Variants in PTPN14 observed in about 807,000 individuals in gnomAD.
The protein encoded by PTPN14 is tyrosine-protein phosphatase non-receptor type 14.
In PTPN14, 53 loss-of-function variants were observed where a neutral mutation model predicts 126.8. That is an observed-to-expected ratio of 0.42 (90% confidence interval 0.34 to 0.53). The LOEUF (loss-of-function observed/expected upper bound fraction) is 0.53, where lower values mean the gene tolerates loss of function less well. Among genes scored for constraint, PTPN14 ranks in the 20% least tolerant of loss-of-function variants. PTPN14 has a pLI of 0.08. For synonymous variants in PTPN14, 630 were observed against 599.3 expected (o/e 1.05, Z -0.75); for missense variants, 1,257 against 1,552.9 (o/e 0.81, Z 3.20).
At chr1:214,378,177 A>C in intron 13 of PTPN14, 75 bp from the exon 14 acceptor site, 7 of 1,470,844 alleles carry the variant, frequency 4.8e-6, no homozygotes, top group Non-Finnish European at 6.4e-6. Context: ...AATCTCCTCA[A>C]ATCTGTAACT....
At chr1:214,484,930 G>A (rs2102680087) in intron 1 of PTPN14, among the ~76,000 whole-genome samples, 2 of 152,334 alleles carry the variant, frequency 1.3e-5, no homozygotes, top group Middle Eastern at 6.8e-3. Context: ...GGAGGTGTGT[G>A]GGAAGACTTA....
chr1:214,465,165 G>A (rs1411508261), intron 1 of PTPN14, among the ~76,000 whole-genome samples: 3 of 152,106 alleles, frequency 2.0e-5, no homozygotes, highest in Non-Finnish European at 4.4e-5. Context: ...TACGATAAAA[G>A]CTACTTTACA....
intron 3 of PTPN14, among the ~76,000 whole-genome samples, chr1:214,424,028 T>A (rs1272518770): frequency 3.3e-5 from 5 of 151,320 alleles, no homozygotes; most frequent in African/African-American, 1.2e-4. Context: ...CCGGGCACGG[T>A]GGCTCATGCC....
chr1:214,358,290 AG>A (rs1025815999), intron 18 of PTPN14, among the ~76,000 whole-genome samples: 3 of 152,130 alleles, frequency 2.0e-5, no homozygotes, highest in Non-Finnish European at 4.4e-5. Flanking sequence ...ATTTTCTGAG[AG>A]GGTCTTGCTG....
chr1:214,386,892 C>T lies in PTPN14; in HGVS notation c.1018G>A (p.Val340Ile), dbSNP rs747090290. The T allele has an allele frequency of 3.5e-5, 56 of 1,608,888 alleles. 1 individual carries two copies. The highest frequency in any genetic ancestry group is 2.1e-4 in the South Asian group (19 of 90,760). The change falls in exon 12 of 19, where the codon GTT (valine) becomes ATT (isoleucine). Residue 340 changes from valine to isoleucine, a missense_variant. This residue lies in a region of PTPN14 where 1,021 missense variants were observed against 1,183.3 expected (regional missense o/e 0.86). Transcript: ENST00000366956. The part of the protein sequence containing the change: ...PRQQPYILPP[V>I]HVQCGEHYSE... ...TAGTGCTCACCACACTGGACGTGAA[C>T]GGGAGGCAGGATGTACGGCTGCTGC...
intron 11 of PTPN14, among the ~76,000 whole-genome samples, chr1:214,389,864 G>A (rs933932664): frequency 3.3e-5 from 5 of 152,136 alleles, no homozygotes; most frequent in African/African-American, 7.2e-5. Context: ...ATTGGTACTC[G>A]GGGGAAAGCC....
At chr1:214,545,995 A>G (rs903864557) in intron 1 of PTPN14, among the ~76,000 whole-genome samples, 2 of 152,166 alleles carry the variant, frequency 1.3e-5, no homozygotes, top group Non-Finnish European at 2.9e-5. Flanking sequence ...GAACCTGGCT[A>G]GGGATACGAG....
rs931245969 is a variant in PTPN14 at position 214,464,553 on chromosome 1, G to T, written c.174+77C>A. 49 of 1,534,180 alleles carry T rather than the reference G, an allele frequency of 3.2e-5. No homozygotes were observed. In the African/African-American group the frequency reaches 5.2e-4, roughly 16 times the overall value. On this transcript the variant is annotated intron_variant, in intron 2 of 18. Coordinates refer to ENST00000366956, the MANE Select transcript of PTPN14 (RefSeq NM_005401.5). ...ACAGATGCCAAAAAACAGATGGCTG[G>T]TCCCTTCGGTGAGTTCTCCTTCACA...
chr1:214,389,909 A>G (rs1324282900), intron 11 of PTPN14, among the ~76,000 whole-genome samples: 1 of 152,242 alleles, frequency 6.6e-6, no homozygotes, highest in East Asian at 1.9e-4. Flanking sequence ...GCCCAGGACC[A>G]CATGTGAGAT....
rs749603756 is a variant in PTPN14, at chr1:214,383,931, T to C, written c.1924A>G (p.Ser642Gly). The C allele has an allele frequency of 2.7e-5, 43 of 1,613,320 alleles. 1 individual carries two copies. Among genetic ancestry groups the C allele is most frequent in the Middle Eastern group, 1.6e-4 (1 of 6,062 alleles). ...ACCATGCTGTTCATCACCTCCAGGCTGTGGCGCTTGTTCACAGTGCCGTGG... is the reference window on the plus strand; with the variant it reads ...ACCATGCTGTTCATCACCTCCAGGCCGTGGCGCTTGTTCACAGTGCCGTGG... The part of the protein sequence containing the change: ...KHHGTVNKRH[S>G]LEVMNSMVRG... The change falls in exon 13 of 19, where the codon AGC (serine) becomes GGC (glycine). Residue 642 changes from serine to glycine, a missense_variant. Ser to Gly is a moderately conservative substitution (Grantham distance 56, BLOSUM62 0). Transcript: ENST00000366956. The surrounding 1 kb of genome is among the most constrained non-coding windows in gnomAD (Gnocchi z 4.4).
rs1249418155 is a variant in PTPN14 at position 214,349,520 on chromosome 1, A to C, written c.*8402T>G. 2 of 152,234 alleles carry C rather than the reference A, an allele frequency of 1.3e-5. No homozygotes were observed. Among genetic ancestry groups the C allele is most frequent in the Non-Finnish European group, 2.9e-5 (2 of 68,042 alleles). The allele number at this position is 152,234 out of a possible 1,614,324, so 9.4% of individuals were successfully genotyped here. Reference sequence around the variant, plus strand: ...GATCAAGGAAAGCATCAAAATACTGAAGTAGGGAGCACAAGCCTAGTCCAG... The same window carrying C: ...GATCAAGGAAAGCATCAAAATACTGCAGTAGGGAGCACAAGCCTAGTCCAG... On this transcript the variant is annotated 3_prime_UTR_variant, in exon 19 of 19. Coordinates refer to ENST00000366956, the MANE Select transcript of PTPN14 (RefSeq NM_005401.5).
chr1:214,441,849 A>G (rs1293416061), intron 3 of PTPN14, among the ~76,000 whole-genome samples: 1 of 152,226 alleles, frequency 6.6e-6, no homozygotes, highest in East Asian at 1.9e-4. Flanking sequence ...AGACTATTTT[A>G]ACATTTTGAC....
intron 18 of PTPN14, among the ~76,000 whole-genome samples, chr1:214,359,866 A>T (rs1657914071): frequency 6.6e-6 from 1 of 152,210 alleles, no homozygotes; most frequent in African/African-American, 2.4e-5. Context: ...GAGATTGCCT[A>T]TGTGTGAATT....
At chr1:214,393,831 A>G in intron 9 of PTPN14, 54 bp from the exon 10 acceptor site, 1 of 1,393,276 alleles carries the variant, frequency 7.2e-7, no homozygotes, top group Non-Finnish European at 1.0e-6. Flanking sequence ...TTAGTTATAC[A>G]TTTCATTAAG....
At chr1:214,516,053 C>T (rs17023144) in intron 1 of PTPN14, among the ~76,000 whole-genome samples, 4 of 152,052 alleles carry the variant, frequency 2.6e-5, no homozygotes, top group African/African-American at 4.8e-5. Context: ...ACTCCTCTTT[C>T]GATAACATAA....
At chr1:214,528,596 G>C (rs1655458893) in intron 1 of PTPN14, 1 of 152,154 alleles carries the variant, frequency 6.6e-6, no homozygotes, top group South Asian at 2.1e-4. Context: ...TACTTGAGTG[G>C]TAGGGTAATT....
chr1:214,439,899 CTATT>C (rs1249069439), intron 3 of PTPN14, among the ~76,000 whole-genome samples: 1 of 152,190 alleles, frequency 6.6e-6, no homozygotes, highest in East Asian at 1.9e-4. Flanking sequence ...ATAATGCTCG[CTATT>C]TAAAGGACTC....
intron 3 of PTPN14, among the ~76,000 whole-genome samples, chr1:214,435,757 G>A (rs1351838255): frequency 6.6e-6 from 1 of 152,172 alleles, no homozygotes; most frequent in Admixed American, 6.5e-5. Flanking sequence ...AAATAACTGA[G>A]AAAAGGGAAT....
intron 1 of PTPN14, among the ~76,000 whole-genome samples, chr1:214,486,421 G>A (rs562187425): frequency 1.3e-5 from 2 of 152,292 alleles, no homozygotes; most frequent in South Asian, 4.1e-4. Flanking sequence ...TAAAGTATGA[G>A]CCTTTATTGT....
Sources: gnomAD v4.1 joint callset for allele counts (sites outside exome capture counted in the v4.1 genomes callset) on GRCh38, gnomAD v4.1.1 for gene constraint, gnomAD v4.1.1 regional missense constraint, Gnocchi (gnomAD v3.1) non-coding constraint, MANE v1.5 for transcripts, NCBI Gene and HGNC (gene_info 2026-07-23, HGNC 2026-07-21) for gene names.